DUOX1: variants seen among roughly 807,000 people sequenced by gnomAD.
DUOX1 encodes the protein dual oxidase 1, also known as NADPH thyroid oxidase 1.
In DUOX1, 134 loss-of-function variants were observed where a neutral mutation model predicts 181.8. That is an observed-to-expected ratio of 0.74 (90% confidence interval 0.64 to 0.85). DUOX1 has a LOEUF of 0.85. Ranked by LOEUF, DUOX1 falls within the 40% of genes least tolerant of loss-of-function variation. DUOX1 has a pLI of 0.00. For missense variants in DUOX1, 1,814 were observed against 2,064.4 expected (o/e 0.88, Z 2.35); for synonymous variants, 798 against 832.5 (o/e 0.96, Z 0.71).
chr15:45,152,308 CACGGGCATCACAGA>C lies in DUOX1; in HGVS notation c.3217_3230del (p.Thr1073HisfsTer96). 1 of 1,614,088 alleles carries C rather than the reference CACGGGCATCACAGA, an allele frequency of 6.2e-7. No individual in the cohort carries two copies. The highest frequency in any genetic ancestry group is 8.5e-7 in the Non-Finnish European group (1 of 1,179,966). On this transcript the variant is annotated frameshift_variant, in exon 25 of 34. Transcript: ENST00000389037. LOFTEE classifies it high-confidence loss of function. ...CAGACTACGCCTTTGCCGCACATCA[CACGGGCATCACAGA>C]CACCACCCGCGTGGGAATCATCCTG...
intron 9 of DUOX1, among the ~76,000 whole-genome samples, chr15:45,137,185 T>TAAA (rs35442034): frequency 3.8e-4 from 31 of 81,920 alleles, no homozygotes; most frequent in South Asian, 1.4e-3. Flanking sequence ...TCGTCTCTAC[T>TAAA]AAAAAAAAAA....
At chr15:45,139,252 G>C in intron 11 of DUOX1, 84 bp downstream of exon 11, 1 of 1,607,660 alleles carries the variant, frequency 6.2e-7, no homozygotes, top group Non-Finnish European at 8.5e-7. Context: ...CAGGTATGAG[G>C]GGGTGCCTGG....
chr15:45,152,532 CCCT>C lies in DUOX1; in HGVS notation c.3424+17_3424+19del. ...GTCCTCACAGGCAGGGCCTGGGTGTCCCTGGGAGGCTCTCCAGGGCCTCCCGCC... is the reference window on the plus strand; with the variant it reads ...GTCCTCACAGGCAGGGCCTGGGTGTCGGGAGGCTCTCCAGGGCCTCCCGCC... On this transcript the variant is annotated intron_variant, in intron 25 of 33. Coordinates refer to ENST00000389037, the MANE Select transcript of DUOX1 (RefSeq NM_175940.3). The C allele has an allele frequency of 6.2e-7, 1 of 1,611,650 alleles. No individual in the cohort carries two copies. The highest frequency in any genetic ancestry group is 1.7e-5 in the Admixed American group (1 of 60,002).
chr15:45,142,545 G>A (rs1896526545), intron 15 of DUOX1, among the ~76,000 whole-genome samples: 1 of 152,068 alleles, frequency 6.6e-6, no homozygotes, highest in South Asian at 2.1e-4. Flanking sequence ...GATCAACATG[G>A]AGAAACCATG....
At position 45,139,322 on chromosome 15, in the gene DUOX1, C is replaced by T. The variant is rs1896429366; in HGVS notation, c.1217-105C>T. ...AGCTTCTGACATGCTGACCATGGCT[C>T]CTTCTGGCTCAAGTCTCCTGGGGCT... On this transcript the variant is annotated intron_variant, in intron 11 of 33. Transcript: ENST00000389037. 4.4e-6 allele frequency: 7 copies of T among 1,588,276 alleles called. No homozygotes were observed. The South Asian group carries it at 5.7e-5, about 13-fold the overall frequency.
At chr15:45,138,052 G>C in intron 10 of DUOX1, 38 bp downstream of exon 10, 1 of 1,493,082 alleles carries the variant, frequency 6.7e-7, no homozygotes, top group South Asian at 1.2e-5. Context: ...GGATGTGTGT[G>C]TGTGCATGCT....
In DUOX1 at chr15:45,143,297, A is replaced by G; in HGVS notation, c.1930A>G (p.Met644Val). ...CGTGTCTGAGAAGCTCGTGGGAGGC[A>G]TGGAAGGTAGGTCTAGGGCTGGCCA... ...SIVSEKLVGG[M>V]EALEWQGHKE... The change falls in exon 16 of 34, where the codon ATG (methionine) becomes GTG (valine). Residue 644 changes from methionine to valine, a missense_variant. Coordinates refer to ENST00000389037, the MANE Select transcript of DUOX1 (RefSeq NM_175940.3). 2 of 1,613,874 alleles carry G rather than the reference A, an allele frequency of 1.2e-6. No individual in the cohort carries two copies. The highest frequency in any genetic ancestry group is 2.2e-5 in the East Asian group (1 of 44,876).
intron 25 of DUOX1, 103 bp downstream of exon 25, chr15:45,152,619 CCTT>C: frequency 9.0e-7 from 1 of 1,114,910 alleles, no homozygotes; most frequent in Non-Finnish European, 1.3e-6. Context: ...CCTTTAATGT[CCTT>C]CTCCATCAGG....
chr15:45,144,812 G>A, intron 17 of DUOX1, 83 bp from the exon 18 acceptor site: 1 of 1,427,658 alleles, frequency 7.0e-7, no homozygotes, highest in South Asian at 1.4e-5. Flanking sequence ...CACCCCAGTG[G>A]CCCCTCTGAC....
At chr15:45,142,491 C>T (rs894928282) in intron 15 of DUOX1, among the ~76,000 whole-genome samples, 11 of 152,056 alleles carry the variant, frequency 7.2e-5, no homozygotes, top group South Asian at 2.1e-4. Flanking sequence ...TTTGAGAGGC[C>T]GAGGCAGGCG....
At chr15:45,145,287 G>A (rs547818890) in intron 18 of DUOX1, among the ~76,000 whole-genome samples, 12 of 152,308 alleles carry the variant, frequency 7.9e-5, no homozygotes, top group African/African-American at 2.4e-4. Flanking sequence ...AGGCTCCAGT[G>A]GGGGGATGCC....
chr15:45,145,046 T>C lies in DUOX1; in HGVS notation c.2288T>C (p.Leu763Pro). 6.2e-7 allele frequency: 1 copy of C among 1,610,906 alleles called. No individual in the cohort carries two copies. The highest frequency in any genetic ancestry group is 8.5e-7 in the Non-Finnish European group (1 of 1,178,838). Residue 763 changes from leucine (L) to proline (P), a missense_variant, in exon 18 of 34, where the codon CTC becomes CCC. Leu to Pro is a moderately conservative substitution (Grantham distance 98). This residue lies in a region of DUOX1 where 1,064 missense variants were observed against 1,152.9 expected (regional missense o/e 0.92). Transcript: ENST00000389037. Reference protein sequence around the residue: ...AAVTREQRRHLLETFFRHLFS... With the variant: ...AAVTREQRRHPLETFFRHLFS... ...GTGACACGGGAGCAGCGGAGGCACC[T>C]CCTGGAGACCTTTTTCAGGCACCTT...
chr15:45,135,083 C>A (rs769352393), intron 4 of DUOX1, 21 bp from the exon 5 acceptor site: 10 of 1,608,754 alleles, frequency 6.2e-6, no homozygotes, highest in Non-Finnish European at 8.5e-6. Flanking sequence ...GCCCTAGCAC[C>A]CCCTCCTGCA....
intron 8 of DUOX1, 40 bp from the exon 9 acceptor site, chr15:45,136,489 G>A (rs1896319422): frequency 6.2e-7 from 1 of 1,613,886 alleles, no homozygotes; most frequent in Non-Finnish European, 8.5e-7. Context: ...GGGGATTTTA[G>A]GGCTAAATTC....
In DUOX1 at chr15:45,162,252, CA is replaced by C. The variant is rs746475759; in HGVS notation, c.4124del (p.Gln1375ArgfsTer11). The C allele has an allele frequency of 6.2e-7, 1 of 1,612,162 alleles. No homozygotes were observed. On this transcript the variant is annotated frameshift_variant, in exon 31 of 34. Coordinates refer to ENST00000389037, the MANE Select transcript of DUOX1 (RefSeq NM_175940.3). LOFTEE classifies it high-confidence loss of function. ...TGATGGACCATTTGGAGAGGGCCAC[CA>C]GGAGTGGCATAAGTTTGAGGTGTCA... Reference protein sequence around the residue: ...YLDGPFGEGHQEWHKFEVSVL... With the variant: ...YLDGPFGEGHXEWHKFEVSVL...
chr15:45,147,761 T>A, intron 19 of DUOX1, 103 bp downstream of exon 19: 1 of 1,562,746 alleles, frequency 6.4e-7, no homozygotes, highest in Non-Finnish European at 8.8e-7. Context: ...TGCCCAGAAG[T>A]GCCCAGGCCG....
Position 45,143,197 on chromosome 15 carries a change from G to T in DUOX1, c.1830G>T (p.Leu610=), listed in dbSNP as rs753752730. The T allele has an allele frequency of 6.2e-7, 1 of 1,614,016 alleles. No individual in the cohort carries two copies. The highest frequency in any genetic ancestry group is 1.1e-5 in the South Asian group (1 of 91,056). The stretch of plus-strand genomic sequence containing the variant: ...CTGCCTCTGCCCTCCCAGTGAGCCT[G>T]CTCAGTGCCTGGATTGTTGCCCGGC... ...GTLCCFPLVS[L]LSAWIVARLR... The change falls in exon 16 of 34, where the codon CTG becomes CTT. Residue 610 remains leucine (L), a synonymous_variant. Coordinates refer to ENST00000389037, the MANE Select transcript of DUOX1 (RefSeq NM_175940.3).
intron 18 of DUOX1, among the ~76,000 whole-genome samples, chr15:45,145,706 G>C (rs1309721823): frequency 6.6e-6 from 1 of 152,142 alleles, no homozygotes; most frequent in East Asian, 1.9e-4. Flanking sequence ...CTTGAGGTCA[G>C]GGGTTTGAGA....
At chr15:45,136,276 G>GTCCT (rs1896310946) in intron 7 of DUOX1, 74 bp from the exon 8 acceptor site, 1 of 1,606,724 alleles carries the variant, frequency 6.2e-7, no homozygotes, top group East Asian at 2.2e-5. Context: ...CACGGAAGCC[G>GTCCT]TCCTTGGGCT....
Sources: gnomAD v4.1 joint callset for allele counts (sites outside exome capture counted in the v4.1 genomes callset) on GRCh38, gnomAD v4.1.1 for gene constraint, gnomAD v4.1.1 regional missense constraint, MANE v1.5 for transcripts, NCBI Gene and HGNC (gene_info 2026-07-23, HGNC 2026-07-21) for gene names.